The following SLC39A11 variants were observed in gnomAD, a reference collection of about 807,000 sequenced individuals.
SLC39A11 encodes the protein zinc transporter ZIP11.
Under a neutral mutation model 36.1 loss-of-function variants are expected in SLC39A11, and 33 were observed. That is an observed-to-expected ratio of 0.91 (90% confidence interval 0.69 to 1.22). The LOEUF is 1.22. Ranked by LOEUF, SLC39A11 falls within the 50% of genes most tolerant of loss-of-function variation. The pLI is 0.00. For synonymous variants in SLC39A11, 166 were observed against 170.3 expected (o/e 0.97, Z 0.20); for missense variants, 432 against 430.3 (o/e 1.00, Z -0.03).
rs371719666 is a variant in SLC39A11 at position 73,031,665 on chromosome 17, A to G, written c.197T>C (p.Met66Thr). The change falls in exon 4 of 10, where the codon ATG (methionine) becomes ACG (threonine). Residue 66 changes from methionine to threonine, a missense_variant. Transcript: ENST00000255559. ...ACCGAAGCCCCCAGAGGACGTGGCC[A>G]TCTCAACTGCTGGGGCCAGAAGAGA... ...YWSLLAPAVE[M>T]ATSSGGFGAF... 2.2e-5 allele frequency: 35 copies of G among 1,614,042 alleles called. No individual in the cohort carries two copies. Among genetic ancestry groups the G allele is most frequent in the Non-Finnish European group, 2.8e-5 (33 of 1,180,034 alleles).
chr17:72,794,451 C>T (rs918862132), intron 6 of SLC39A11, among the ~76,000 whole-genome samples: 5 of 152,054 alleles, frequency 3.3e-5, no homozygotes, highest in African/African-American at 1.2e-4. Context: ...GTTCCCCTGA[C>T]TGAAGCCTTC....
intron 6 of SLC39A11, among the ~76,000 whole-genome samples, chr17:72,765,232 C>A (rs527617750): frequency 1.3e-3 from 200 of 152,256 alleles, no homozygotes; most frequent in African/African-American, 4.7e-3. Flanking sequence ...CTGGTTTTGA[C>A]ATTTCTTCCC....
At chr17:72,974,431 CAAAAAA>C (rs35927526) in intron 4 of SLC39A11, among the ~76,000 whole-genome samples, 12 of 132,404 alleles carry the variant, frequency 9.1e-5, no homozygotes, top group Admixed American at 5.4e-4. Context: ...CATTTTGTAC[CAAAAAA>C]AAAAAAAAAA....
At chr17:73,028,260 CT>C (rs555608018) in intron 4 of SLC39A11, among the ~76,000 whole-genome samples, 320 of 152,336 alleles carry the variant, frequency 2.1e-3, no homozygotes, top group African/African-American at 7.5e-3. Flanking sequence ...TGCTCCTACC[CT>C]GTTAGACTAT....
intron 4 of SLC39A11, among the ~76,000 whole-genome samples, chr17:73,017,481 C>A (rs1427870433): frequency 1.3e-5 from 2 of 151,900 alleles, no homozygotes; most frequent in African/African-American, 4.8e-5. Flanking sequence ...GGGAGGCTGA[C>A]GCAGGTGGAT....
rs531863198 is a variant in SLC39A11, at chr17:72,879,858, C to T, written c.431-30054G>A. Among the ~76,000 whole-genome samples the T allele has an allele frequency of 3.9e-5, 6 of 152,342 alleles. No individual in the cohort carries two copies. The East Asian group carries it at 5.8e-4, about 15-fold the overall frequency. ...AAATGCCACCTGGTCTGAAGACCCC[C>T]GCCAAGGAACCGACTCAGCACAAGA... On this transcript the variant is annotated intron_variant, in intron 5 of 9. Coordinates refer to ENST00000255559, the MANE Select transcript of SLC39A11 (RefSeq NM_139177.4).
chr17:72,846,976 T>G (rs991536467), intron 6 of SLC39A11, among the ~76,000 whole-genome samples: 8 of 152,176 alleles, frequency 5.3e-5, no homozygotes, highest in Non-Finnish European at 8.8e-5. Context: ...GGTCTTTCAA[T>G]GACCTCTTTA....
intron 6 of SLC39A11, among the ~76,000 whole-genome samples, chr17:72,821,308 G>C (rs2077770187): frequency 1.3e-5 from 2 of 150,094 alleles, no homozygotes; most frequent in Admixed American, 1.3e-4. Context: ...TTGGAGACCT[G>C]CTTGGCCAAC....
chr17:72,706,728 G>C (rs866149602), intron 7 of SLC39A11, among the ~76,000 whole-genome samples: 1 of 152,220 alleles, frequency 6.6e-6, no homozygotes, highest in Non-Finnish European at 1.5e-5. Context: ...GGGGAAGAAG[G>C]GGGAGAGGTC....
chr17:72,717,875 G>C (rs2143505502), intron 7 of SLC39A11, among the ~76,000 whole-genome samples: 1 of 152,302 alleles, frequency 6.6e-6, no homozygotes, highest in East Asian at 1.9e-4. Flanking sequence ...CTGGAGAAGT[G>C]AGTCATGACC....
At chr17:72,966,822 G>T (rs1478413935) in intron 4 of SLC39A11, among the ~76,000 whole-genome samples, 5 of 152,184 alleles carry the variant, frequency 3.3e-5, no homozygotes, top group Non-Finnish European at 5.9e-5. Flanking sequence ...GCCCGCCTCA[G>T]CCTCCCAAAG....
rs184675663 is a variant in SLC39A11 at position 72,728,095 on chromosome 17, G to A, written c.671+8555C>T. 2.4e-3 allele frequency among the ~76,000 whole-genome samples: 364 copies of A among 152,308 alleles called. 1 individual carries two copies. The highest frequency in any genetic ancestry group is 6.8e-3 in the Middle Eastern group (2 of 294). On this transcript the variant is annotated intron_variant, in intron 7 of 9. Transcript: ENST00000255559. ...AGTTGGCCTCAGAGTATTTAATGATGAATATGGGCTAAAAACAGGGATTGT... is the reference window on the plus strand; with the variant it reads ...AGTTGGCCTCAGAGTATTTAATGATAAATATGGGCTAAAAACAGGGATTGT...
At chr17:72,908,439 A>C (rs1447708108) in intron 5 of SLC39A11, among the ~76,000 whole-genome samples, 1 of 152,208 alleles carries the variant, frequency 6.6e-6, no homozygotes, top group Non-Finnish European at 1.5e-5. Flanking sequence ...TTCGGGGCCA[A>C]AACAACACGG....
rs1304694605 is a variant in SLC39A11, at chr17:72,900,122, AAAAG to A, written c.430+47626_430+47629del. On this transcript the variant is annotated intron_variant, in intron 5 of 9. Transcript: ENST00000255559. Reference sequence around the variant, plus strand: ...AAGAAAGAAAGAAAAAGAAAGAAAGAAAAGAAAGAAAGAAAGAAAAAGAAAGAAA... The same window carrying A: ...AAGAAAGAAAGAAAAAGAAAGAAAGAAAAGAAAGAAAGAAAAAGAAAGAAA... 3.5e-3 allele frequency among the ~76,000 whole-genome samples: 488 copies of A among 138,710 alleles called. 38 individuals carry two copies. Among genetic ancestry groups the A allele is most frequent in the African/African-American group, 4.8e-3 (150 of 31,442 alleles). 91.0% of individuals were successfully genotyped at this position (138,710 alleles called of 152,430 possible).
At chr17:72,723,932 T>C (rs2073816357) in intron 7 of SLC39A11, among the ~76,000 whole-genome samples, 2 of 152,144 alleles carry the variant, frequency 1.3e-5, no homozygotes, top group Non-Finnish European at 2.9e-5. Context: ...ACGACGGGAT[T>C]GTATTTGTCA....
At chr17:73,031,151 G>T (rs1270146960) in intron 4 of SLC39A11, among the ~76,000 whole-genome samples, 1 of 151,736 alleles carries the variant, frequency 6.6e-6, no homozygotes, top group Non-Finnish European at 1.5e-5. Flanking sequence ...CTCATAATGT[G>T]ATCCATGGTC....
rs534181199 is a variant in SLC39A11, at chr17:72,701,377, G to A, written c.671+35273C>T. 7.4e-4 allele frequency among the ~76,000 whole-genome samples: 113 copies of A among 152,300 alleles called. 1 individual carries two copies. Among genetic ancestry groups the A allele is most frequent in the Non-Finnish European group, 7.8e-4 (53 of 68,022 alleles). On this transcript the variant is annotated intron_variant, in intron 7 of 9. Coordinates refer to ENST00000255559, the MANE Select transcript of SLC39A11 (RefSeq NM_139177.4). The stretch of plus-strand genomic sequence containing the variant: ...TCTCCTTGTGTGGCGATGCTAAGCA[G>A]GAAGGCTGTGGGGCCAGAAAGAGCT...
intron 6 of SLC39A11, among the ~76,000 whole-genome samples, chr17:72,817,166 C>T (rs1387266375): frequency 6.6e-6 from 1 of 152,004 alleles, no homozygotes; most frequent in Non-Finnish European, 1.5e-5. Context: ...GGTTCTGAAG[C>T]CTGTACAAGA....
intron 6 of SLC39A11, among the ~76,000 whole-genome samples, chr17:72,754,100 G>A (rs2075279015): frequency 7.9e-6 from 1 of 127,200 alleles, no homozygotes. Flanking sequence ...ACACACAGTG[G>A]AATACTACTC....
Sources: gnomAD v4.1 joint callset for allele counts (sites outside exome capture counted in the v4.1 genomes callset) on GRCh38, gnomAD v4.1.1 for gene constraint, MANE v1.5 for transcripts, NCBI Gene and HGNC (gene_info 2026-07-23, HGNC 2026-07-21) for gene names.